The following SOX5 variants were observed in gnomAD, a reference collection of about 807,000 sequenced individuals.
SOX5 encodes the protein SRY-box transcription factor 5.
In SOX5, 9 loss-of-function variants were observed where a neutral mutation model predicts 92.0. The observed-to-expected ratio is 0.10, with a 90% CI of 0.06 to 0.17. The LOEUF is 0.17. Among genes scored for constraint, SOX5 ranks in the 10% least tolerant of loss-of-function variants. SOX5 has a pLI of 1.00. For missense variants in SOX5, 642 were observed against 944.5 expected, an observed-to-expected ratio of 0.68 and a Z score of 4.20; for synonymous variants, 344 against 336.3, an observed-to-expected ratio of 1.02 and a Z score of -0.25.
chr12:24,125,903 G>A (rs1949060607), intron 4 of SOX5, among the ~76,000 whole-genome samples: 1 of 152,138 alleles, frequency 6.6e-6, no homozygotes, highest in Non-Finnish European at 1.5e-5. Flanking sequence ...GTGGAGCTAG[G>A]CCTCTAATAA....
At chr12:24,121,117 C>T (rs540525966) in intron 4 of SOX5, among the ~76,000 whole-genome samples, 2 of 152,254 alleles carry the variant, frequency 1.3e-5, no homozygotes, top group African/African-American at 4.8e-5. Context: ...GGTTTAAATG[C>T]TTACAAAACA....
chr12:23,585,996 C>T (rs1306985368), intron 9 of SOX5, among the ~76,000 whole-genome samples: 1 of 152,100 alleles, frequency 6.6e-6, no homozygotes, highest in East Asian at 1.9e-4. Flanking sequence ...ATACGGCCTC[C>T]TTAAGCCCCT....
chr12:23,547,532 C>G (rs1438773891), intron 11 of SOX5, among the ~76,000 whole-genome samples: 1 of 151,978 alleles, frequency 6.6e-6, no homozygotes, highest in African/African-American at 2.4e-5. Context: ...AATGTTCCCA[C>G]CAAGAACTAA....
intron 1 of SOX5, among the ~76,000 whole-genome samples, chr12:24,490,317 G>C (rs548468130): frequency 6.6e-6 from 1 of 152,290 alleles, no homozygotes; most frequent in African/African-American, 2.4e-5. Context: ...TTGGAATTTT[G>C]CCTTGTGATT....
At chr12:23,823,078 G>A (rs2096154685) in intron 3 of SOX5, among the ~76,000 whole-genome samples, 1 of 152,124 alleles carries the variant, frequency 6.6e-6, no homozygotes, top group African/African-American at 2.4e-5. Flanking sequence ...CAATTTGCCA[G>A]TCTGTGCCTT....
intron 4 of SOX5, among the ~76,000 whole-genome samples, chr12:23,989,641 G>A (rs1443249355): frequency 1.3e-5 from 2 of 152,040 alleles, no homozygotes; most frequent in South Asian, 2.1e-4. Flanking sequence ...CATGAAGGTG[G>A]AGCCCTCATG....
chr12:23,908,418 C>T (rs758754222), intron 1 of SOX5, among the ~76,000 whole-genome samples: 33 of 152,034 alleles, frequency 2.2e-4, no homozygotes, highest in Middle Eastern at 3.4e-3. Context: ...GACAAGGAAT[C>T]GTTTATATAT....
chr12:23,534,357 C>T lies in SOX5; in HGVS notation c.2154G>A (p.Glu718=). ...GTATCTCTTCTTTGATATGTGGCTC[C>T]TCTCCTTTCACACCGTAAGTGCTCT... ...VIQSTYGVKG[E]EPHIKEEIQA... The change falls in exon 15 of 15, where the codon GAG becomes GAA. Residue 718 remains glutamate, a synonymous_variant. Coordinates refer to ENST00000451604, the MANE Select transcript of SOX5 (RefSeq NM_006940.6). 1.2e-6 allele frequency: 2 copies of T among 1,614,152 alleles called. No homozygotes were observed. Among genetic ancestry groups the T allele is most frequent in the Middle Eastern group, 1.6e-4 (1 of 6,062 alleles).
chr12:23,646,694 A>G (rs74986787), intron 7 of SOX5, among the ~76,000 whole-genome samples: 2,246 of 152,338 alleles, frequency 0.015, 48 homozygotes, highest in African/African-American at 0.05. Context: ...AATCTTCATC[A>G]GAAGTAGAAT....
At chr12:24,066,287 G>A (rs1313322101) in intron 4 of SOX5, among the ~76,000 whole-genome samples, 6 of 152,194 alleles carry the variant, frequency 3.9e-5, no homozygotes, top group Admixed American at 3.9e-4. Flanking sequence ...AAATCACAAT[G>A]TGACTCATGT....
intron 4 of SOX5, among the ~76,000 whole-genome samples, chr12:24,171,414 G>A (rs548205807): frequency 1.1e-3 from 172 of 151,624 alleles, no homozygotes; most frequent in African/African-American, 4.0e-3. Context: ...TAGTAGAGAC[G>A]AGGTTTCACC....
intron 3 of SOX5, among the ~76,000 whole-genome samples, chr12:24,215,799 T>C (rs1440498066): frequency 6.8e-6 from 1 of 147,332 alleles, no homozygotes; most frequent in Non-Finnish European, 1.5e-5. Context: ...ACATCGATCC[T>C]GAAAAAAAAA....
At chr12:24,493,919 C>T (rs991400586) in intron 1 of SOX5, among the ~76,000 whole-genome samples, 1 of 151,774 alleles carries the variant, frequency 6.6e-6, no homozygotes, top group African/African-American at 2.4e-5. Context: ...TATAAAAAAT[C>T]AGTAAAAAGC....
At chr12:23,758,153 A>G (rs2094457290) in intron 3 of SOX5, among the ~76,000 whole-genome samples, 1 of 151,910 alleles carries the variant, frequency 6.6e-6, no homozygotes, top group Non-Finnish European at 1.5e-5. Context: ...TAGATGAGGT[A>G]TATACTTTAA....
chr12:23,970,841 A>ATATATATATATATATATATATTTT lies in SOX5; in HGVS notation c.-1-74818_-1-74817insAAAATATATATATATATATATATA. Among the ~76,000 whole-genome samples, 9 of 21,874 alleles carry ATATATATATATATATATATATTTT rather than the reference A, an allele frequency of 4.1e-4. 3 individuals are homozygous for ATATATATATATATATATATATTTT. The highest frequency in any genetic ancestry group is 1.1e-3 in the African/African-American group (9 of 8,032). 14.4% of individuals were successfully genotyped at this position (21,874 alleles called of 152,430 possible). ...ACATGGGACTTTATATATATATATA[A>ATATATATATATATATATATATTTT]TTTTTTTTTTTTTTTAAGAAATGGG... is the stretch of plus-strand genomic sequence containing the variant. On this transcript the variant is annotated intron_variant, in intron 4 of 4. Transcript: ENST00000446891.
intron 1 of SOX5, among the ~76,000 whole-genome samples, chr12:24,385,330 C>T (rs376669022): frequency 6.6e-6 from 1 of 152,100 alleles, no homozygotes; most frequent in East Asian, 1.9e-4. Context: ...GATGGTTTTG[C>T]CAAACTGTAG....
intron 1 of SOX5, among the ~76,000 whole-genome samples, chr12:24,538,301 C>A (rs1274268870): frequency 6.6e-6 from 1 of 152,116 alleles, no homozygotes; most frequent in Non-Finnish European, 1.5e-5. Context: ...AACAGTGCAT[C>A]AACTTTGACC....
At chr12:24,121,610 C>T (rs1364357825) in intron 4 of SOX5, among the ~76,000 whole-genome samples, 1 of 140,756 alleles carries the variant, frequency 7.1e-6, no homozygotes, top group Non-Finnish European at 1.5e-5. Context: ...TGAGATGGGC[C>T]GGGCGCGGTG....
At chr12:24,108,256 A>C (rs901535238) in intron 4 of SOX5, among the ~76,000 whole-genome samples, 1 of 152,122 alleles carries the variant, frequency 6.6e-6, no homozygotes, top group East Asian at 1.9e-4. Flanking sequence ...GCAGAAATCT[A>C]TTTCACTTAC....
Sources: allele counts gnomAD v4.1 joint callset (sites outside exome capture counted in the v4.1 genomes callset), GRCh38; gene constraint gnomAD v4.1.1; transcripts MANE v1.5; gene names NCBI Gene and HGNC (gene_info 2026-07-23, HGNC 2026-07-21).